The following FAT3 variants were observed in gnomAD, a reference collection of about 807,000 sequenced individuals.
FAT3 encodes FAT atypical cadherin 3.
Under a neutral mutation model 310.2 loss-of-function variants are expected in FAT3, and 95 were observed. The observed-to-expected ratio is 0.31, with a 90% CI of 0.26 to 0.36. FAT3 has a LOEUF of 0.36. FAT3 is among the 10% of genes least tolerant of loss of function. The pLI is 1.00. For synonymous variants in FAT3, 2,314 were observed against 2,192.9 expected, an observed-to-expected ratio of 1.06 and a Z score of -1.54; for missense variants, 5,408 against 5,715.6, an observed-to-expected ratio of 0.95 and a Z score of 1.74.
At chr11:92,459,209 G>A (rs1951575498) in intron 2 of FAT3, among the ~76,000 whole-genome samples, 2 of 152,266 alleles carry the variant, frequency 1.3e-5, no homozygotes, top group Admixed American at 6.5e-5. Flanking sequence ...ATGGTACGAT[G>A]GCCACCCTTC....
intron 3 of FAT3, among the ~76,000 whole-genome samples, chr11:92,647,164 G>A (rs567764868): frequency 1.8e-4 from 28 of 151,664 alleles, no homozygotes; most frequent in Non-Finnish European, 3.4e-4. Context: ...ATTATCTTTC[G>A]TTTTGCTCTT....
chr11:92,775,358 A>G (rs1591716261), intron 7 of FAT3, among the ~76,000 whole-genome samples: 1 of 152,046 alleles, frequency 6.6e-6, no homozygotes, highest in Admixed American at 6.6e-5. Context: ...ATATAATGCA[A>G]CTCTTTTCTT....
At position 92,891,903 on chromosome 11, in the gene FAT3, A is replaced by G. The variant is rs1387538607; in HGVS notation, c.*790A>G. Reference sequence around the variant, plus strand: ...GTTGGTTTTGTGTTTTCTGGTAAATATTCCAGTTGGTAAATCTAACATTGC... The same window carrying G: ...GTTGGTTTTGTGTTTTCTGGTAAATGTTCCAGTTGGTAAATCTAACATTGC... On this transcript the variant is annotated 3_prime_UTR_variant, in exon 28 of 28. Coordinates refer to ENST00000525166, the MANE Select transcript of FAT3 (RefSeq NM_001367949.2). 1.6e-4 allele frequency: 24 copies of G among 152,228 alleles called. No individual in the cohort carries two copies. The highest frequency in any genetic ancestry group is 1.4e-3 in the Admixed American group (21 of 15,282). The allele number at this position is 152,228 out of a possible 1,614,324, so 9.4% of individuals were successfully genotyped here.
At chr11:92,641,586 C>T (rs932460637) in intron 3 of FAT3, among the ~76,000 whole-genome samples, 2 of 152,344 alleles carry the variant, frequency 1.3e-5, no homozygotes, top group South Asian at 4.1e-4. Flanking sequence ...TTGCTTTCCA[C>T]TCCATGTTCC....
At chr11:92,478,948 C>CTTTCTTTTCTTTTCT (rs113372595) in intron 2 of FAT3, among the ~76,000 whole-genome samples, 1,723 of 114,498 alleles carry the variant, frequency 0.015, 60 homozygotes, top group South Asian at 0.018. Flanking sequence ...TTCTTTCTTT[C>CTTTCTTTTCTTTTCT]TTTCTTTTCT....
chr11:92,657,196 G>A (rs566633857), intron 3 of FAT3, among the ~76,000 whole-genome samples: 41 of 152,292 alleles, frequency 2.7e-4, no homozygotes, highest in African/African-American at 9.9e-4. Flanking sequence ...CCCAACCCCA[G>A]AATGGGATTG....
chr11:92,579,706 C>G (rs1938684216), intron 3 of FAT3, among the ~76,000 whole-genome samples: 1 of 152,100 alleles, frequency 6.6e-6, no homozygotes, highest in Non-Finnish European at 1.5e-5. Flanking sequence ...TACTATTTTT[C>G]ATAGCTCCAG....
chr11:92,429,697 A>G (rs942139585), intron 2 of FAT3, among the ~76,000 whole-genome samples: 1 of 152,162 alleles, frequency 6.6e-6, no homozygotes, highest in Non-Finnish European at 1.5e-5. Context: ...AATGTTGAAT[A>G]TTGGCCCTCA....
At chr11:92,517,778 AAAAC>A (rs1953537700) in intron 2 of FAT3, among the ~76,000 whole-genome samples, 1 of 152,226 alleles carries the variant, frequency 6.6e-6, no homozygotes, top group South Asian at 2.1e-4. Flanking sequence ...TACAAGGAAA[AAAAC>A]AAACAGCCCC....
chr11:92,641,190 G>A (rs1232791586), intron 3 of FAT3, among the ~76,000 whole-genome samples: 4 of 152,040 alleles, frequency 2.6e-5, no homozygotes, highest in African/African-American at 9.7e-5. Context: ...GAGAGACCCT[G>A]TCCCCTACCA....
intron 2 of FAT3, among the ~76,000 whole-genome samples, chr11:92,385,139 AAGC>A (rs1250666701): frequency 6.6e-6 from 1 of 152,200 alleles, no homozygotes; most frequent in Non-Finnish European, 1.5e-5. Context: ...TCCTATAAGA[AAGC>A]AGCACCAAGC....
rs2136448076 is a variant in FAT3 at position 92,890,897 on chromosome 11, T to A, written c.13554T>A (p.Ala4518=). The change falls in exon 28 of 28, where the codon GCT becomes GCA. Residue 4518 remains alanine (A), a synonymous_variant. Coordinates refer to ENST00000525166, the MANE Select transcript of FAT3 (RefSeq NM_001367949.2). ...PPASCEFSTF[A]VSMNQGTEPT... ...CCAGCTGTGAATTTAGTACTTTTGCTGTGAGCATGAACCAGGGCACAGAGC... is the reference window on the plus strand; with the variant it reads ...CCAGCTGTGAATTTAGTACTTTTGCAGTGAGCATGAACCAGGGCACAGAGC... The A allele has an allele frequency of 1.9e-6, 3 of 1,614,034 alleles. No individual in the cohort carries two copies. The highest frequency in any genetic ancestry group is 2.5e-6 in the Non-Finnish European group (3 of 1,179,894).
chr11:92,867,117 C>A lies in FAT3; in HGVS notation c.12035C>A (p.Thr4012Lys), dbSNP rs2136352044. 6.2e-7 allele frequency: 1 copy of A among 1,602,466 alleles called. No homozygotes were observed. Among genetic ancestry groups the A allele is most frequent in the Non-Finnish European group, 8.5e-7 (1 of 1,175,286 alleles). ...AGCTTCGCGGAGGTGGTGGGCCTGACGGAGCTGAAGCTGGGCTGCGTGCTC... is the reference window on the plus strand; with the variant it reads ...AGCTTCGCGGAGGTGGTGGGCCTGAAGGAGCTGAAGCTGGGCTGCGTGCTC... ...RSSFAEVVGLTELKLGCVLYP... is the reference protein window; with the variant it reads ...RSSFAEVVGLKELKLGCVLYP... Residue 4012 changes from threonine (T) to lysine (K), a missense_variant, in exon 22 of 28, where the codon ACG becomes AAG. Coordinates refer to ENST00000525166, the MANE Select transcript of FAT3 (RefSeq NM_001367949.2).
At chr11:92,486,705 T>C (rs1952418846) in intron 2 of FAT3, among the ~76,000 whole-genome samples, 1 of 152,198 alleles carries the variant, frequency 6.6e-6, no homozygotes, top group Non-Finnish European at 1.5e-5. Context: ...CTCTATTCTC[T>C]AAGTCTTTGT....
intron 4 of FAT3, among the ~76,000 whole-genome samples, chr11:92,735,723 G>A (rs182520030): frequency 3.1e-4 from 47 of 151,456 alleles, no homozygotes; most frequent in African/African-American, 1.1e-3. Flanking sequence ...TTGGCTAAAC[G>A]TAAAACACTG....
At chr11:92,673,859 A>G (rs1001461250) in intron 3 of FAT3, among the ~76,000 whole-genome samples, 2 of 152,094 alleles carry the variant, frequency 1.3e-5, no homozygotes, top group Non-Finnish European at 2.9e-5. Context: ...GATAAGATTG[A>G]TAAGTTTCTA....
rs1478224161 is a variant in FAT3 at position 92,859,157 on chromosome 11, C to G, written c.11501-8C>G. 6.2e-7 allele frequency: 1 copy of G among 1,611,764 alleles called. No homozygotes were observed. The highest frequency in any genetic ancestry group is 8.5e-7 in the Non-Finnish European group (1 of 1,178,918). On this transcript the variant is annotated splice_region_variant and splice_polypyrimidine_tract_variant and intron_variant, in intron 20 of 27. Transcript: ENST00000525166. ...AATATATATGTCTTCTCATAACGGT[C>G]TTTTCAGGGCACACTTCTCTCAGCT... is the stretch of plus-strand genomic sequence containing the variant.
intron 4 of FAT3, among the ~76,000 whole-genome samples, chr11:92,742,064 A>G (rs1003975146): frequency 1.3e-5 from 2 of 152,222 alleles, no homozygotes; most frequent in African/African-American, 4.8e-5. Context: ...GTGTCAGGAC[A>G]TGTGCTGGAT....
intron 2 of FAT3, among the ~76,000 whole-genome samples, chr11:92,378,832 A>G (rs1949418899): frequency 6.6e-6 from 1 of 152,102 alleles, no homozygotes; most frequent in Non-Finnish European, 1.5e-5. Flanking sequence ...TGGTTCATGG[A>G]TGGTGCTTTC....
Sources: gnomAD v4.1 joint callset for allele counts (sites outside exome capture counted in the v4.1 genomes callset) on GRCh38, gnomAD v4.1.1 for gene constraint, MANE v1.5 for transcripts, NCBI Gene and HGNC (gene_info 2026-07-23, HGNC 2026-07-21) for gene names.